The following EVI5 variants were observed in gnomAD, a reference collection of about 807,000 sequenced individuals.
EVI5 encodes the protein ecotropic viral integration site 5 protein homolog.
A neutral mutation model predicts 112.0 loss-of-function variants in EVI5; 73 were observed. That is an observed-to-expected ratio of 0.65 (90% confidence interval 0.54 to 0.79). EVI5 has a LOEUF of 0.79. Ranked by LOEUF, EVI5 falls within the 30% of genes least tolerant of loss-of-function variation. The pLI is 0.00. For missense variants in EVI5, 900 were observed against 968.8 expected (o/e 0.93, Z 0.94); for synonymous variants, 305 against 319.9 (o/e 0.95, Z 0.50).
At chr1:92,639,292 C>G (rs917800804) in intron 13 of EVI5, among the ~76,000 whole-genome samples, 5 of 151,818 alleles carry the variant, frequency 3.3e-5, no homozygotes, top group Admixed American at 1.3e-4. Flanking sequence ...CTCAGTAATC[C>G]TTTTTGCTTG....
chr1:92,776,904 G>C (rs774332408), intron 1 of EVI5, among the ~76,000 whole-genome samples: 1 of 151,430 alleles, frequency 6.6e-6, no homozygotes, highest in Non-Finnish European at 1.5e-5. Context: ...CCGGGTTCAC[G>C]CCATTCTCCT....
At chr1:92,605,766 G>C (rs928052129) in intron 17 of EVI5, among the ~76,000 whole-genome samples, 13 of 152,048 alleles carry the variant, frequency 8.5e-5, no homozygotes, top group Admixed American at 2.0e-4. Context: ...AAATTAAGTT[G>C]AGAGGGAAAA....
At chr1:92,675,592 C>G (rs1666598544) in intron 10 of EVI5, among the ~76,000 whole-genome samples, 1 of 151,982 alleles carries the variant, frequency 6.6e-6, no homozygotes. Context: ...AACTCATACT[C>G]TCTCCCCACT....
intron 18 of EVI5, among the ~76,000 whole-genome samples, chr1:92,567,109 G>C (rs1023749778): frequency 6.6e-6 from 1 of 152,056 alleles, no homozygotes; most frequent in Non-Finnish European, 1.5e-5. Context: ...ACCACGCTCG[G>C]CCATGTGCCT....
chr1:92,758,352 C>T (rs1376866083), intron 1 of EVI5, among the ~76,000 whole-genome samples: 1 of 151,858 alleles, frequency 6.6e-6, no homozygotes, highest in Admixed American at 6.6e-5. Context: ...GTGGATTGCT[C>T]GAGCCCAGGA....
At chr1:92,626,294 G>T (rs1655647679) in intron 14 of EVI5, among the ~76,000 whole-genome samples, 1 of 152,022 alleles carries the variant, frequency 6.6e-6, no homozygotes, top group African/African-American at 2.4e-5. Context: ...CTTATAAGTG[G>T]AATCATATGT....
chr1:92,523,328 C>G (rs1661277605), intron 19 of EVI5, among the ~76,000 whole-genome samples: 1 of 152,032 alleles, frequency 6.6e-6, no homozygotes, highest in African/African-American at 2.4e-5. Context: ...TTCACCCTCA[C>G]CCTGGCAACC....
chr1:92,533,711 C>T (rs1308343410), intron 19 of EVI5, among the ~76,000 whole-genome samples: 1 of 152,160 alleles, frequency 6.6e-6, no homozygotes, highest in East Asian at 1.9e-4. Context: ...GCAGAAAAGG[C>T]CTTCAACTAT....
At chr1:92,761,741 G>T (rs1681913465) in intron 1 of EVI5, among the ~76,000 whole-genome samples, 1 of 152,164 alleles carries the variant, frequency 6.6e-6, no homozygotes, top group Non-Finnish European at 1.5e-5. Flanking sequence ...AAGTAGCTTG[G>T]ACTACAGATG....
chr1:92,558,574 A>G (rs1177465776), intron 19 of EVI5, among the ~76,000 whole-genome samples: 1 of 152,156 alleles, frequency 6.6e-6, no homozygotes, highest in Non-Finnish European at 1.5e-5. Flanking sequence ...CCATCCTTCT[A>G]AGCCATGTTT....
At chr1:92,735,082 C>G (rs1446876824) in intron 2 of EVI5, among the ~76,000 whole-genome samples, 7 of 152,082 alleles carry the variant, frequency 4.6e-5, no homozygotes, top group African/African-American at 1.7e-4. Context: ...AAACATATAC[C>G]TACCATATGA....
Position 92,772,368 on chromosome 1 carries a change from G to A in EVI5, c.-82+12468C>T, listed in dbSNP as rs575967426. ...TCCCAGCACTTTGGGAGGCCAAGGCGGGCTGATCACGAGGTCAGGAGATCA... is the reference window on the plus strand; with the variant it reads ...TCCCAGCACTTTGGGAGGCCAAGGCAGGCTGATCACGAGGTCAGGAGATCA... On this transcript the variant is annotated intron_variant, in intron 1 of 19. Transcript: ENST00000684568. Among the ~76,000 whole-genome samples the A allele has an allele frequency of 2.0e-4, 30 of 147,768 alleles. 1 individual carries two copies. The highest frequency in any genetic ancestry group is 1.9e-3 in the Admixed American group (28 of 14,926).
intron 9 of EVI5, among the ~76,000 whole-genome samples, chr1:92,684,852 T>C (rs766962095): frequency 2.0e-5 from 3 of 151,812 alleles, no homozygotes; most frequent in Non-Finnish European, 4.4e-5. Context: ...CAAGAAGAGC[T>C]AACTATCCTA....
chr1:92,630,472 A>G (rs1442824713), intron 14 of EVI5, among the ~76,000 whole-genome samples: 1 of 152,150 alleles, frequency 6.6e-6, no homozygotes. Context: ...TCTTCTTTTG[A>G]GAAGTGTCTG....
chr1:92,730,724 A>G (rs1166222362), intron 2 of EVI5, among the ~76,000 whole-genome samples: 3 of 151,730 alleles, frequency 2.0e-5, no homozygotes. Flanking sequence ...CAATCTGACA[A>G]AGGCCATATC....
chr1:92,782,318 A>G (rs1017203856), intron 1 of EVI5, among the ~76,000 whole-genome samples: 2 of 152,156 alleles, frequency 1.3e-5, no homozygotes, highest in African/African-American at 4.8e-5. Flanking sequence ...GCATGAAAAA[A>G]AACACCATTA....
intron 1 of EVI5, among the ~76,000 whole-genome samples, chr1:92,754,278 G>A (rs1320030029): frequency 6.6e-6 from 1 of 152,054 alleles, no homozygotes; most frequent in Non-Finnish European, 1.5e-5. Flanking sequence ...ACTAAACATA[G>A]GCATAAGGCT....
chr1:92,636,028 C>T (rs1297866916), intron 14 of EVI5, among the ~76,000 whole-genome samples, 174 bp downstream of exon 14: 1 of 152,182 alleles, frequency 6.6e-6, no homozygotes, highest in African/African-American at 2.4e-5. Flanking sequence ...ATGAAGGCAA[C>T]AAGGAATAAC....
intron 15 of EVI5, 55 bp downstream of exon 15, chr1:92,625,739 T>C (rs891871041): frequency 6.6e-7 from 1 of 1,513,832 alleles, no homozygotes; most frequent in African/African-American, 1.4e-5. Flanking sequence ...TCTTACAAAT[T>C]GGATATTTCG....
Sources: gnomAD v4.1 joint callset for allele counts (sites outside exome capture counted in the v4.1 genomes callset) on GRCh38, gnomAD v4.1.1 for gene constraint, MANE v1.5 for transcripts, NCBI Gene and HGNC (gene_info 2026-07-23, HGNC 2026-07-21) for gene names.